The following STK24 variants were observed in gnomAD, a reference collection of about 807,000 sequenced individuals.
STK24 encodes the protein serine/threonine kinase 24, also known as serine/threonine-protein kinase 24.
In STK24, 21 loss-of-function variants were observed where a neutral mutation model predicts 55.6. That is an observed-to-expected ratio of 0.38 (90% CI 0.27 to 0.54). The LOEUF is 0.54. STK24 is among the 20% of genes least tolerant of loss of function. STK24 has a pLI of 0.79. For missense variants in STK24, 383 were observed against 538.4 expected (o/e 0.71, Z 2.86); for synonymous variants, 200 against 215.2 (o/e 0.93, Z 0.62).
chr13:98,492,070 CGTGCGCGTGTGT>C (rs1566366180), intron 2 of STK24, among the ~76,000 whole-genome samples: 1 of 76,726 alleles, frequency 1.3e-5, no homozygotes, highest in Non-Finnish European at 2.6e-5. Flanking sequence ...CTTTAAAGTG[CGTGCGCGTGTGT>C]GTGTGTGTGT....
At chr13:98,527,713 G>A (rs764666011) in intron 1 of STK24, among the ~76,000 whole-genome samples, 32 of 152,172 alleles carry the variant, frequency 2.1e-4, no homozygotes, top group Non-Finnish European at 3.2e-4. Context: ...GACCAGGACC[G>A]GGTGAGCCAC....
intron 1 of STK24, among the ~76,000 whole-genome samples, chr13:98,531,246 C>T (rs978747843): frequency 6.6e-6 from 1 of 152,130 alleles, no homozygotes; most frequent in Admixed American, 6.5e-5. Context: ...ATACGCCCTC[C>T]CAAAATCTGA....
intron 1 of STK24, among the ~76,000 whole-genome samples, chr13:98,572,177 CTT>C (rs1180197038): frequency 6.6e-6 from 1 of 152,220 alleles, no homozygotes. Context: ...CAGCCGACCT[CTT>C]GAGGACAGGA....
Position 98,551,285 on chromosome 13 carries a change from C to CAAAA in STK24, c.42+25456_42+25459dup, listed in dbSNP as rs35925473. On this transcript the variant is annotated intron_variant, in intron 1 of 10. Coordinates refer to ENST00000539966, the MANE Select transcript of STK24 (RefSeq NM_001032296.4). ...TGGGCGACAGAGTGAGACTCTGTCT[C>CAAAA]AAAAAAAAAAAAAAATCAAGACTTA... Among the ~76,000 whole-genome samples the CAAAA allele has an allele frequency of 1.3e-3, 156 of 119,796 alleles. 3 individuals are homozygous for CAAAA. The South Asian group carries it at 0.018, about 14-fold the overall frequency. 78.6% of individuals were successfully genotyped at this position (119,796 alleles called of 152,430 possible). A position where few individuals can be genotyped will look rare whatever the true frequency, so the allele number is the denominator to read the frequency against.
In STK24 at chr13:98,448,237, T is replaced by C; in HGVS notation, c.*4936A>G. The C allele has an allele frequency of 6.2e-7, 1 of 1,613,576 alleles. No homozygotes were observed. Among genetic ancestry groups the C allele is most frequent in the Non-Finnish European group, 8.5e-7 (1 of 1,179,578 alleles). ...CTAACTGGCGTTCCCGTGTTGCAGG[T>C]GGATGGAAGTGATCCGCAGTGCCAC... On this transcript the variant is annotated 3_prime_UTR_variant, in exon 11 of 11. Transcript: ENST00000539966.
chr13:98,533,776 G>A (rs965639608), intron 1 of STK24, among the ~76,000 whole-genome samples: 5 of 150,506 alleles, frequency 3.3e-5, no homozygotes, highest in African/African-American at 9.9e-5. Flanking sequence ...ACACACACAC[G>A]CACACGCACC....
intron 10 of STK24, chr13:98,456,038 G>A (rs1893438745): frequency 6.5e-6 from 1 of 152,800 alleles, no homozygotes; most frequent in Non-Finnish European, 1.5e-5. Context: ...TATCAAAGGA[G>A]GGAGGGATCG....
At chr13:98,538,222 CT>C (rs55720452) in intron 1 of STK24, among the ~76,000 whole-genome samples, 14,583 of 90,698 alleles carry the variant, frequency 0.16, 499 homozygotes, top group South Asian at 0.24. Flanking sequence ...TTGGTGCTTG[CT>C]TTTTTTTTTT....
chr13:98,545,235 T>G (rs984101145), intron 1 of STK24, among the ~76,000 whole-genome samples: 5 of 152,210 alleles, frequency 3.3e-5, no homozygotes. Context: ...TAACAGTATG[T>G]TCTCTCTGTT....
intron 2 of STK24, among the ~76,000 whole-genome samples, chr13:98,512,332 C>T (rs2139367822): frequency 6.6e-6 from 1 of 152,226 alleles, no homozygotes; most frequent in South Asian, 2.1e-4. Context: ...GTGCCATGAA[C>T]TGCAAAATAT....
intron 2 of STK24, among the ~76,000 whole-genome samples, chr13:98,500,867 A>C (rs1468936160): frequency 1.3e-5 from 2 of 152,134 alleles, no homozygotes; most frequent in Non-Finnish European, 2.9e-5. Context: ...GAACACTGGG[A>C]TGCTCACACT....
At chr13:98,509,043 T>C (rs1318701656) in intron 2 of STK24, 1 of 152,224 alleles carries the variant, frequency 6.6e-6, no homozygotes, top group African/African-American at 2.4e-5. Context: ...CACCCTTTTT[T>C]AGTTTCACAA....
At chr13:98,528,595 G>T (rs1186122950) in intron 1 of STK24, among the ~76,000 whole-genome samples, 1 of 152,118 alleles carries the variant, frequency 6.6e-6, no homozygotes, top group African/African-American at 2.4e-5. Context: ...TCCCTTGAAA[G>T]AATTCTTTAA....
In STK24 at chr13:98,446,610, G is replaced by C. The variant is rs373700027; in HGVS notation, c.*6563C>G. The C allele has an allele frequency of 4.0e-5, 63 of 1,584,192 alleles. No homozygotes were observed. The African/African-American group carries it at 7.9e-4, about 20-fold the overall frequency. On this transcript the variant is annotated 3_prime_UTR_variant, in exon 11 of 11. Transcript: ENST00000539966. ...CTGTCTGATGCGGGGCAGCAGCCAG[G>C]CCCAGCAGCAGAAGCTGACCCCGAA...
intron 2 of STK24, among the ~76,000 whole-genome samples, chr13:98,484,149 C>G (rs1257284359): frequency 6.6e-6 from 1 of 152,214 alleles, no homozygotes; most frequent in Admixed American, 6.5e-5. Flanking sequence ...CTTCCATCAT[C>G]AAGAGTGTCC....
chr13:98,457,911 GTGA>G (rs927445926), intron 9 of STK24, among the ~76,000 whole-genome samples: 7 of 152,188 alleles, frequency 4.6e-5, no homozygotes, highest in Non-Finnish European at 8.8e-5. Context: ...AAGTCTCACC[GTGA>G]TGGACTGTCC....
rs201919631 is a variant in STK24, at chr13:98,530,121, A to G, written c.43-10648T>C. On this transcript the variant is annotated intron_variant, in intron 1 of 10. Coordinates refer to ENST00000539966, the MANE Select transcript of STK24 (RefSeq NM_001032296.4). ...CACAGATATACACACACACACGCAC[A>G]CACACACACAGAGCTGTCAAGAGGA... is the stretch of plus-strand genomic sequence containing the variant. Among the ~76,000 whole-genome samples the G allele has an allele frequency of 4.4e-4, 67 of 151,936 alleles. No homozygotes were observed. The East Asian group carries it at 0.013, about 29-fold the overall frequency.
intron 2 of STK24, among the ~76,000 whole-genome samples, chr13:98,484,444 G>T (rs1016020277): frequency 1.3e-5 from 2 of 152,254 alleles, no homozygotes; most frequent in South Asian, 4.1e-4. Context: ...CAGCAGGGAG[G>T]TAATCTCCCC....
chr13:98,520,232 C>A (rs1896211487), intron 1 of STK24, among the ~76,000 whole-genome samples: 1 of 152,228 alleles, frequency 6.6e-6, no homozygotes, highest in Non-Finnish European at 1.5e-5. Flanking sequence ...TCCACAGGGC[C>A]TGTTTGTCAG....
Sources: allele counts gnomAD v4.1 joint callset (sites outside exome capture counted in the v4.1 genomes callset), GRCh38; gene constraint gnomAD v4.1.1; transcripts MANE v1.5; gene names NCBI Gene and HGNC (gene_info 2026-07-23, HGNC 2026-07-21).